Variants in PECAM1 observed in about 807,000 individuals in gnomAD.
The protein encoded by PECAM1 is platelet endothelial cell adhesion molecule.
A neutral mutation model predicts 13.8 loss-of-function variants in PECAM1; 8 were observed. The ratio of observed to expected loss-of-function variants is 0.58; its 90% CI spans 0.34 to 1.05. PECAM1 has a LOEUF of 1.05. PECAM1 is among the 50% of genes least tolerant of loss of function. The probability of loss-of-function intolerance (pLI) is 0.03; values close to 1 mark genes in which losing one functional copy is unlikely to be tolerated. For synonymous variants in PECAM1, 136 were observed against 52.6 expected, an observed-to-expected ratio of 2.58 and a Z score of -6.86; for missense variants, 304 against 141.2, an observed-to-expected ratio of 2.15 and a Z score of -5.84.
At chr17:64,386,075 G>T (rs2143912893) in intron 2 of PECAM1, among the ~76,000 whole-genome samples, 1 of 152,294 alleles carries the variant, frequency 6.6e-6, no homozygotes, top group East Asian at 1.9e-4. Flanking sequence ...GGGGATGAGG[G>T]AAGGATAGGC....
At chr17:64,374,665 TCCCAGCTACTC>T (rs2036317282) in intron 4 of PECAM1, among the ~76,000 whole-genome samples, 2 of 151,696 alleles carry the variant, frequency 1.3e-5, no homozygotes, top group Non-Finnish European at 2.9e-5. Context: ...ATGCCTGTAA[TCCCAGCTACTC>T]CAGAGGCTGA....
At chr17:64,347,315 C>T (rs1293605496) in intron 13 of PECAM1, among the ~76,000 whole-genome samples, 2 of 151,432 alleles carry the variant, frequency 1.3e-5, no homozygotes, top group African/African-American at 2.4e-5. Flanking sequence ...GTCAGAAGTT[C>T]GAGTTCACGC....
chr17:64,351,313 A>G (rs2035717753), intron 11 of PECAM1, among the ~76,000 whole-genome samples: 1 of 152,260 alleles, frequency 6.6e-6, no homozygotes, highest in Non-Finnish European at 1.5e-5. Context: ...TTCTTAAAAC[A>G]TATTTCTCAA....
At chr17:64,373,378 T>A (rs1213108010) in intron 4 of PECAM1, among the ~76,000 whole-genome samples, 1 of 152,058 alleles carries the variant, frequency 6.6e-6, no homozygotes, top group East Asian at 1.9e-4. Context: ...AGATGGCCCA[T>A]CCCTACAGTC....
intron 2 of PECAM1, among the ~76,000 whole-genome samples, chr17:64,388,109 A>G (rs1449334847): frequency 6.6e-6 from 1 of 152,146 alleles, no homozygotes; most frequent in Non-Finnish European, 1.5e-5. Flanking sequence ...TGCAGTTCCA[A>G]CGTCTTCCCT....
chr17:64,384,171 G>A (rs1196628969), intron 2 of PECAM1, among the ~76,000 whole-genome samples: 2 of 152,108 alleles, frequency 1.3e-5, no homozygotes, highest in Non-Finnish European at 1.5e-5. Flanking sequence ...CTCAATGGAT[G>A]CACTGGCAGG....
intron 12 of PECAM1, among the ~76,000 whole-genome samples, chr17:64,349,913 G>A (rs2035676709): frequency 6.6e-6 from 1 of 152,050 alleles, no homozygotes; most frequent in African/African-American, 2.4e-5. Flanking sequence ...AAGAAAGAAA[G>A]GAAGAGACCT....
intron 4 of PECAM1, among the ~76,000 whole-genome samples, chr17:64,373,950 C>A (rs1445310936): frequency 8.5e-5 from 13 of 152,194 alleles, no homozygotes; most frequent in African/African-American, 2.9e-4. Context: ...CACTCCCCAG[C>A]TTCCCTCTGC....
chr17:64,349,840 G>A (rs1343163218), intron 12 of PECAM1, among the ~76,000 whole-genome samples: 7 of 152,074 alleles, frequency 4.6e-5, no homozygotes, highest in East Asian at 1.9e-4. Context: ...AGCCGAGATC[G>A]CACCACTGCA....
Position 64,329,684 on chromosome 17 carries a change from T to C in PECAM1, c.2187+16A>G. On this transcript the variant is annotated intron_variant, in intron 15 of 15. Transcript: ENST00000563924. ...GGAGTACTTTTAAATATAATGTATA[T>C]GAAATGTGTACTTACAGAGTATCTG... is the stretch of plus-strand genomic sequence containing the variant. 1.3e-6 allele frequency: 1 copy of C among 760,050 alleles called. No homozygotes were observed. Among genetic ancestry groups the C allele is most frequent in the Non-Finnish European group, 2.5e-6 (1 of 407,660 alleles). 47.1% of individuals were successfully genotyped at this position (760,050 alleles called of 1,614,324 possible). A position where few individuals can be genotyped will look rare whatever the true frequency, so the allele number is the denominator to read the frequency against.
At chr17:64,361,307 G>A (rs937982270) in intron 6 of PECAM1, among the ~76,000 whole-genome samples, 3 of 151,536 alleles carry the variant, frequency 2.0e-5, no homozygotes, top group Non-Finnish European at 2.9e-5. Flanking sequence ...CACCACACCC[G>A]GCTAACTTTT....
intron 7 of PECAM1, among the ~76,000 whole-genome samples, 154 bp from the exon 8 acceptor site, chr17:64,356,552 G>A (rs1179762843): frequency 2.4e-5 from 3 of 125,470 alleles, no homozygotes; most frequent in East Asian, 2.6e-4. Flanking sequence ...TCAGCTTACT[G>A]CAACGTGTGC....
chr17:64,388,759 T>C (rs9908333), intron 2 of PECAM1, among the ~76,000 whole-genome samples: 60,407 of 152,004 alleles, frequency 0.4, 12,752 homozygotes, highest in Non-Finnish European at 0.48. Flanking sequence ...CTCTGCCTCC[T>C]GGGTTCAAGC....
intron 5 of PECAM1, among the ~76,000 whole-genome samples, chr17:64,365,610 G>A (rs1205668984): frequency 4.6e-5 from 7 of 152,166 alleles, no homozygotes; most frequent in African/African-American, 1.7e-4. Context: ...GCATGGTACT[G>A]GTACCAAAAC....
chr17:64,363,119 T>A, intron 6 of PECAM1, 30 bp downstream of exon 6: 1 of 475,370 alleles, frequency 2.1e-6, no homozygotes, highest in Non-Finnish European at 3.9e-6. Context: ...CAACCCTGGA[T>A]GTCCTCTGAG....
intron 11 of PECAM1, among the ~76,000 whole-genome samples, chr17:64,350,967 C>T (rs2035708653): frequency 6.6e-6 from 1 of 151,924 alleles, no homozygotes; most frequent in Non-Finnish European, 1.5e-5. Context: ...ACCTCCACCT[C>T]CCAGGTTCAA....
At chr17:64,382,710 T>C (rs1291063035) in intron 2 of PECAM1, among the ~76,000 whole-genome samples, 1 of 149,726 alleles carries the variant, frequency 6.7e-6, no homozygotes, top group Non-Finnish European at 1.5e-5. Flanking sequence ...CTCCACTACA[T>C]GTTTCTAGGG....
intron 7 of PECAM1, among the ~76,000 whole-genome samples, chr17:64,358,111 C>CTT (rs141671796): frequency 0.019 from 1,383 of 71,450 alleles, 207 homozygotes; most frequent in Middle Eastern, 0.1. Flanking sequence ...TGGCCACAGT[C>CTT]TTTTTTTTTT....
intron 14 of PECAM1, among the ~76,000 whole-genome samples, chr17:64,340,869 G>C (rs1045679013): frequency 2.0e-5 from 3 of 152,100 alleles, no homozygotes; most frequent in Non-Finnish European, 2.9e-5. Flanking sequence ...AGGCCGAGGC[G>C]CGCGGATTAC....
Sources: allele counts gnomAD v4.1 joint callset (sites outside exome capture counted in the v4.1 genomes callset), GRCh38; gene constraint gnomAD v4.1.1; transcripts MANE v1.5; gene names NCBI Gene and HGNC (gene_info 2026-07-23, HGNC 2026-07-21).